The following RALGAPA1 variants were observed in gnomAD, a reference collection of about 807,000 sequenced individuals.
RALGAPA1 encodes Ral GTPase activating protein catalytic subunit alpha 1.
In RALGAPA1, 52 loss-of-function variants were observed where a neutral mutation model predicts 269.6. The ratio of observed to expected loss-of-function variants is 0.19; its 90% CI spans 0.15 to 0.24. The LOEUF (loss-of-function observed/expected upper bound fraction) is 0.24. RALGAPA1 is among the 10% of genes least tolerant of loss of function. RALGAPA1 has a pLI of 1.00. For missense variants in RALGAPA1, 1,917 were observed against 3,013.9 expected (o/e 0.64, Z 8.52); for synonymous variants, 817 against 1,008.3 (o/e 0.81, Z 3.60).
chr14:35,623,035 T>C (rs914502354), intron 35 of RALGAPA1, among the ~76,000 whole-genome samples: 1 of 150,406 alleles, frequency 6.6e-6, no homozygotes, highest in Non-Finnish European at 1.5e-5. Flanking sequence ...TGAGCTGAAG[T>C]TGTGCCATTG....
At position 35,793,323 on chromosome 14, in the gene RALGAPA1, C is replaced by T. The variant is rs558601746; in HGVS notation, c.106+15407G>A. Among the ~76,000 whole-genome samples the T allele has an allele frequency of 1.1e-4, 16 of 151,860 alleles. No individual in the cohort carries two copies. In the South Asian group the frequency reaches 1.2e-3, roughly 12 times the overall value. ...CACAATCTCGGCTCACGACAACCTC[C>T]GCCTCCCAGGTTCAAGCAATTCTCC... On this transcript the variant is annotated intron_variant, in intron 1 of 41. Transcript: ENST00000680220.
chr14:35,627,905 A>T lies in RALGAPA1; in HGVS notation c.6042T>A (p.Thr2014=). The T allele has an allele frequency of 6.4e-7, 1 of 1,554,414 alleles. No individual in the cohort carries two copies. The highest frequency in any genetic ancestry group is 8.7e-7 in the Non-Finnish European group (1 of 1,153,662). Residue 2014 remains threonine, a synonymous_variant, in exon 34 of 42, where the codon ACT becomes ACA. Transcript: ENST00000680220. ...GGTGATTTACCAGATGTGTAATAAC[A>T]GTGCGGGCTGCTATAGAGATTAATC... ...QHGLISIAAR[T]VITHLVNHLG... is the part of the protein sequence containing the mutation.
intron 4 of RALGAPA1, among the ~76,000 whole-genome samples, chr14:35,768,792 C>A (rs1263045333): frequency 6.6e-6 from 1 of 151,478 alleles, no homozygotes; most frequent in Admixed American, 6.6e-5. Context: ...GCGGATCACC[C>A]GAGGTCGGGA....
intron 37 of RALGAPA1, among the ~76,000 whole-genome samples, chr14:35,591,227 C>T (rs2058615379): frequency 6.6e-6 from 1 of 152,058 alleles, no homozygotes; most frequent in Non-Finnish European, 1.5e-5. Context: ...TTAAGTAACA[C>T]TTATTTGTTA....
At chr14:35,576,725 T>C (rs1274992978) in intron 37 of RALGAPA1, among the ~76,000 whole-genome samples, 2 of 152,186 alleles carry the variant, frequency 1.3e-5, no homozygotes, top group African/African-American at 4.8e-5. Flanking sequence ...ATTATCCCTA[T>C]TTTTACAGGA....
chr14:35,791,103 C>T (rs756191946), intron 1 of RALGAPA1, among the ~76,000 whole-genome samples: 6 of 151,960 alleles, frequency 3.9e-5, no homozygotes, highest in Non-Finnish European at 5.9e-5. Flanking sequence ...AGCATGCACC[C>T]CAAAACAAGA....
At chr14:35,775,858 C>A in intron 1 of RALGAPA1, 113 bp from the exon 2 acceptor site, 1 of 1,064,318 alleles carries the variant, frequency 9.4e-7, no homozygotes, top group Non-Finnish European at 1.2e-6. Context: ...AAATTCTATT[C>A]TATTAAAATA....
chr14:35,555,547 A>C (rs1369297759), intron 39 of RALGAPA1, among the ~76,000 whole-genome samples: 1 of 152,216 alleles, frequency 6.6e-6, no homozygotes, highest in Non-Finnish European at 1.5e-5. Context: ...AAAAATGTTA[A>C]ATATTTAGGT....
intron 35 of RALGAPA1, among the ~76,000 whole-genome samples, chr14:35,615,974 A>G (rs17836188): frequency 0.089 from 13,497 of 152,088 alleles, 910 homozygotes; most frequent in Admixed American, 0.2. Context: ...TCAGGAGATG[A>G]GATCCCACAG....
chr14:35,746,632 C>T (rs915373701), intron 10 of RALGAPA1, among the ~76,000 whole-genome samples: 4 of 151,774 alleles, frequency 2.6e-5, no homozygotes, highest in African/African-American at 4.8e-5. Flanking sequence ...TTCTAAATGA[C>T]GAACTTCAAG....
At chr14:35,767,774 A>AT (rs2074269618) in intron 4 of RALGAPA1, among the ~76,000 whole-genome samples, 1 of 151,864 alleles carries the variant, frequency 6.6e-6, no homozygotes, top group African/African-American at 2.4e-5. Flanking sequence ...TTTTAATTAA[A>AT]ATTTTTTTTT....
chr14:35,593,994 T>C (rs887696330), intron 37 of RALGAPA1, among the ~76,000 whole-genome samples: 1 of 151,698 alleles, frequency 6.6e-6, no homozygotes, highest in Admixed American at 6.6e-5. Context: ...ACATATACAG[T>C]AAACTAATTT....
intron 39 of RALGAPA1, chr14:35,564,363 A>C (rs1057153741): frequency 6.6e-6 from 1 of 151,938 alleles, no homozygotes; most frequent in Non-Finnish European, 1.5e-5. Context: ...ATACTGACAG[A>C]CCCCCCCAAA....
intron 34 of RALGAPA1, 32 bp downstream of exon 34, chr14:35,627,058 A>AG (rs2139607037): frequency 6.9e-7 from 1 of 1,446,302 alleles, no homozygotes; most frequent in East Asian, 2.5e-5. Context: ...CGAAAAAAAA[A>AG]AAAAAAGAAA....
chr14:35,711,702 C>T (rs2140840662), intron 16 of RALGAPA1, among the ~76,000 whole-genome samples: 1 of 152,210 alleles, frequency 6.6e-6, no homozygotes, highest in African/African-American at 2.4e-5. Context: ...GCCACCTGGC[C>T]TCCCACCTGA....
chr14:35,637,056 A>G lies in RALGAPA1; in HGVS notation c.5677-1458T>C, dbSNP rs749522325. The stretch of plus-strand genomic sequence containing the variant: ...GTAGATCAGAGTAGTGAGTAAAAAG[A>G]AAGGATGTAGAAGTACACATAGGAA... On this transcript the variant is annotated intron_variant, in intron 31 of 41. Transcript: ENST00000680220. 1.1e-4 allele frequency among the ~76,000 whole-genome samples: 17 copies of G among 152,298 alleles called. No individual in the cohort carries two copies. In the East Asian group the frequency reaches 2.9e-3, roughly 26 times the overall value.
chr14:35,719,258 A>G (rs1006501670), intron 16 of RALGAPA1, among the ~76,000 whole-genome samples: 1 of 152,198 alleles, frequency 6.6e-6, no homozygotes, highest in Non-Finnish European at 1.5e-5. Flanking sequence ...CCCAGGAGGC[A>G]GAGGTTACAG....
intron 16 of RALGAPA1, chr14:35,715,775 C>T (rs2068763379): frequency 1.0e-6 from 1 of 985,216 alleles, no homozygotes; most frequent in Admixed American, 6.1e-5. Context: ...AGTCATCCAA[C>T]CTTGAAGCTT....
chr14:35,706,086 C>T (rs1184619779), intron 16 of RALGAPA1, among the ~76,000 whole-genome samples: 2 of 152,260 alleles, frequency 1.3e-5, no homozygotes, highest in East Asian at 3.9e-4. Context: ...CCATCTGTGA[C>T]TTGTCGTTTC....
Sources: allele counts gnomAD v4.1 joint callset (sites outside exome capture counted in the v4.1 genomes callset), GRCh38; gene constraint gnomAD v4.1.1; transcripts MANE v1.5; gene names NCBI Gene and HGNC (gene_info 2026-07-23, HGNC 2026-07-21).